HYDIN: variants seen among roughly 807,000 people sequenced by gnomAD.
The protein encoded by HYDIN is axonemal central pair apparatus protein HYDIN.
In HYDIN, 132 loss-of-function variants were observed where a neutral mutation model predicts 403.9. The ratio of observed to expected loss-of-function variants is 0.33; its 90% CI spans 0.28 to 0.38. The LOEUF is 0.38. HYDIN is among the 10% of genes least tolerant of loss of function. The pLI, the probability that HYDIN is intolerant of heterozygous loss-of-function variation, is 1.00. For synonymous variants in HYDIN, 1,202 were observed against 1,891.7 expected (o/e 0.64, Z 9.46); for missense variants, 2,827 against 5,009.5 (o/e 0.56, Z 13.15).
intron 73 of HYDIN, among the ~76,000 whole-genome samples, chr16:70,853,011 TAAAAA>T (rs77008189): frequency 1.5e-5 from 2 of 131,020 alleles, no homozygotes; most frequent in Non-Finnish European, 3.2e-5. Flanking sequence ...CCATCTCTAC[TAAAAA>T]AAAAAAAAAA....
intron 9 of HYDIN, among the ~76,000 whole-genome samples, chr16:71,125,295 T>C (rs1201377343): frequency 6.6e-6 from 1 of 152,112 alleles, no homozygotes; most frequent in Non-Finnish European, 1.5e-5. Flanking sequence ...CTCCCACAAA[T>C]TTTAGTCCTG....
Position 70,981,575 on chromosome 16 carries a change from G to A in HYDIN, c.4333-7C>T, listed in dbSNP as rs538801448. 98 of 1,606,898 alleles carry A rather than the reference G, an allele frequency of 6.1e-5. No homozygotes were observed. In the African/African-American group the frequency reaches 6.2e-4, roughly 10 times the overall value. Reference sequence around the variant, plus strand: ...GATGTGAACTGATAAAGCCCTACGCGGTAGAAAGACCAGAAAAGGGAAAAC... The same window carrying A: ...GATGTGAACTGATAAAGCCCTACGCAGTAGAAAGACCAGAAAAGGGAAAAC... On this transcript the variant is annotated splice_polypyrimidine_tract_variant and splice_region_variant and intron_variant, in intron 28 of 85. Coordinates refer to ENST00000393567, the MANE Select transcript of HYDIN (RefSeq NM_001270974.2).
At chr16:71,034,429 C>G (rs1179147095) in intron 18 of HYDIN, among the ~76,000 whole-genome samples, 1 of 151,982 alleles carries the variant, frequency 6.6e-6, no homozygotes, top group Non-Finnish European at 1.5e-5. Flanking sequence ...GGCAGAATCT[C>G]ACAGGGTGGC....
chr16:71,030,127 T>C (rs2080850938), intron 19 of HYDIN, among the ~76,000 whole-genome samples: 1 of 152,192 alleles, frequency 6.6e-6, no homozygotes, highest in South Asian at 2.1e-4. Flanking sequence ...CCTGGTTCAC[T>C]GTAGCCTCAA....
At chr16:71,118,739 G>T (rs1188705233) in intron 9 of HYDIN, among the ~76,000 whole-genome samples, 1 of 151,570 alleles carries the variant, frequency 6.6e-6, no homozygotes, top group Non-Finnish European at 1.5e-5. Flanking sequence ...TTGATTGGTG[G>T]GGGTTTTAGT....
chr16:70,989,761 A>C (rs545484305), intron 25 of HYDIN, among the ~76,000 whole-genome samples: 12 of 152,334 alleles, frequency 7.9e-5, no homozygotes, highest in Non-Finnish European at 1.3e-4. Flanking sequence ...TGAGGTACCC[A>C]CTGTCCAGTT....
chr16:70,941,517 C>A lies in HYDIN; in HGVS notation c.6853+119G>T, dbSNP rs1334224831. 1.7e-5 allele frequency: 12 copies of A among 713,588 alleles called. No homozygotes were observed. In the Admixed American group the frequency reaches 3.6e-4, roughly 21 times the overall value. 44.2% of individuals were successfully genotyped at this position (713,588 alleles called of 1,614,324 possible). ...CCAGCCGGCCACTCGCGTCCCAGTT[C>A]CCTCCTAGCAAAGCAGAAATACAAC... On this transcript the variant is annotated intron_variant, in intron 43 of 85. Coordinates refer to ENST00000393567, the MANE Select transcript of HYDIN (RefSeq NM_001270974.2).
intron 1 of HYDIN, among the ~76,000 whole-genome samples, chr16:71,221,800 C>T (rs2089215031): frequency 6.6e-6 from 1 of 152,074 alleles, no homozygotes; most frequent in Admixed American, 6.5e-5. Flanking sequence ...TCAAGTTTAG[C>T]CTAAAGCTGC....
chr16:70,809,645 G>C (rs1404906154), intron 85 of HYDIN, 138 bp downstream of exon 85: 1 of 699,338 alleles, frequency 1.4e-6, no homozygotes, highest in African/African-American at 1.8e-5. Context: ...TCAGGCCTCT[G>C]AGGCAGGTGT....
intron 1 of HYDIN, among the ~76,000 whole-genome samples, chr16:71,190,056 C>T (rs1225918018): frequency 6.6e-6 from 1 of 151,936 alleles, no homozygotes; most frequent in Non-Finnish European, 1.5e-5. Context: ...ATGATTTTCT[C>T]TTTTTAAATA....
intron 1 of HYDIN, among the ~76,000 whole-genome samples, chr16:71,202,038 T>C (rs2088045374): frequency 6.6e-6 from 1 of 152,242 alleles, no homozygotes; most frequent in South Asian, 2.1e-4. Flanking sequence ...TTTAAAGCCA[T>C]GTTTGCCTTA....
At chr16:71,030,245 T>A (rs2080856866) in intron 19 of HYDIN, among the ~76,000 whole-genome samples, 1 of 150,344 alleles carries the variant, frequency 6.7e-6, no homozygotes, top group Non-Finnish European at 1.5e-5. Flanking sequence ...GATAGGGGGG[T>A]CTCCCTATGT....
intron 10 of HYDIN, among the ~76,000 whole-genome samples, chr16:71,100,469 G>C (rs2083424994): frequency 6.6e-6 from 1 of 152,220 alleles, no homozygotes; most frequent in Admixed American, 6.5e-5. Flanking sequence ...CAAATTGGGA[G>C]AACTTGCCCT....
At chr16:71,055,051 C>A (rs1406681815) in intron 18 of HYDIN, among the ~76,000 whole-genome samples, 3 of 152,310 alleles carry the variant, frequency 2.0e-5, no homozygotes, top group African/African-American at 7.2e-5. Context: ...TTCTCCTGCC[C>A]TTTTAACAAA....
chr16:71,174,212 G>C (rs2086575510), intron 5 of HYDIN, among the ~76,000 whole-genome samples: 2 of 152,088 alleles, frequency 1.3e-5, no homozygotes, highest in Non-Finnish European at 1.5e-5. Flanking sequence ...TTATAGCAAT[G>C]GTATTATTAT....
chr16:71,106,266 T>C (rs548236201), intron 10 of HYDIN, among the ~76,000 whole-genome samples: 13 of 152,212 alleles, frequency 8.5e-5, no homozygotes, highest in Admixed American at 3.3e-4. Context: ...TTTCACATAA[T>C]GCTTCTTCAT....
In HYDIN at chr16:71,006,768, C is replaced by T. The variant is rs529767447; in HGVS notation, c.3644+11361G>A. ...GTCTCTTCACCCTGCTGGGACTGAT[C>T]ATCTAGCCCGCCCCAGCAGACCCCG... On this transcript the variant is annotated intron_variant, in intron 23 of 85. Coordinates refer to ENST00000393567, the MANE Select transcript of HYDIN (RefSeq NM_001270974.2). Among the ~76,000 whole-genome samples the T allele has an allele frequency of 1.4e-4, 21 of 152,156 alleles. No homozygotes were observed. In the South Asian group the frequency reaches 4.4e-3, roughly 32 times the overall value.
At chr16:71,179,779 T>C (rs759358670) in intron 3 of HYDIN, among the ~76,000 whole-genome samples, 2 of 152,164 alleles carry the variant, frequency 1.3e-5, no homozygotes, top group Non-Finnish European at 2.9e-5. Flanking sequence ...TCAAAGTGAA[T>C]ATAGCATCAT....
At chr16:71,026,671 C>T (rs2080711738) in intron 20 of HYDIN, among the ~76,000 whole-genome samples, 1 of 152,252 alleles carries the variant, frequency 6.6e-6, no homozygotes, top group Non-Finnish European at 1.5e-5. Context: ...ATCTTTTCCA[C>T]AATGAGAGAT....
Sources: gnomAD v4.1 joint callset for allele counts (sites outside exome capture counted in the v4.1 genomes callset) on GRCh38, gnomAD v4.1.1 for gene constraint, MANE v1.5 for transcripts, NCBI Gene and HGNC (gene_info 2026-07-23, HGNC 2026-07-21) for gene names.